Variants in PCLAF observed in about 807,000 individuals in gnomAD.
PCLAF encodes PCNA clamp associated factor.
In PCLAF, 12 loss-of-function variants were observed where a neutral mutation model predicts 15.1. That is an observed-to-expected ratio of 0.79 (90% CI 0.51 to 1.29). The LOEUF (loss-of-function observed/expected upper bound fraction) is 1.29, where lower values mean the gene tolerates loss of function less well. Among genes scored for constraint, PCLAF ranks in the 50% most tolerant of loss-of-function variants. PCLAF has a pLI of 0.00. For missense variants in PCLAF, 116 were observed against 130.9 expected (o/e 0.89, Z 0.56); for synonymous variants, 33 against 47.1 (o/e 0.70, Z 1.22).
chr15:64,372,119 T>G (rs1348626302), intron 3 of PCLAF, among the ~76,000 whole-genome samples: 1 of 152,198 alleles, frequency 6.6e-6, no homozygotes. Context: ...TATTTTAAAA[T>G]TACTTGAAGT....
upstream of PCLAF, among the ~76,000 whole-genome samples, chr15:64,385,062 GT>G (rs952700179): frequency 6.6e-6 from 1 of 151,452 alleles, no homozygotes; most frequent in African/African-American, 2.4e-5. Context: ...TAATTTTTAG[GT>G]TTTTTTTGTA....
upstream of PCLAF, among the ~76,000 whole-genome samples, chr15:64,384,173 C>T (rs747811294): frequency 2.8e-4 from 42 of 152,070 alleles, no homozygotes; most frequent in Non-Finnish European, 5.1e-4. Context: ...CTCACTCTGT[C>T]ATCCAGGCTG....
intron 2 of PCLAF, among the ~76,000 whole-genome samples, chr15:64,378,592 T>C (rs1899710759): frequency 6.6e-6 from 1 of 152,144 alleles, no homozygotes; most frequent in Non-Finnish European, 1.5e-5. Flanking sequence ...CAAAGGAACC[T>C]TACAGGAATG....
rs1444684610 is a variant in PCLAF, at chr15:64,365,837, G to T, written c.*193C>A. On this transcript the variant is annotated 3_prime_UTR_variant, in exon 4 of 4. Transcript: ENST00000300035. ...AACAATGCATTATATTGAATACTAA[G>T]CTAAGTTACCATAATTAGTCTTACA... The T allele has an allele frequency of 3.4e-6, 2 of 590,042 alleles. No homozygotes were observed. Among genetic ancestry groups the T allele is most frequent in the African/African-American group, 3.8e-5 (2 of 53,146 alleles). 36.6% of individuals were successfully genotyped at this position (590,042 alleles called of 1,614,324 possible).
intron 2 of PCLAF, among the ~76,000 whole-genome samples, chr15:64,379,814 T>A (rs1296968067): frequency 2.6e-5 from 4 of 152,168 alleles, no homozygotes; most frequent in Admixed American, 2.0e-4. Flanking sequence ...TGAAGCTATT[T>A]CCTTTGCCGG....
At chr15:64,385,590 A>C (rs996467128), upstream of PCLAF, among the ~76,000 whole-genome samples, 4 of 151,756 alleles carry the variant, frequency 2.6e-5, no homozygotes, top group African/African-American at 9.7e-5. Context: ...GCACTATTGC[A>C]CTCCAGCCTG....
rs779642598 is a variant in PCLAF at position 64,376,829 on chromosome 15, G to T, written c.204C>A (p.Phe68Leu). ...TPKWQKGIGE[F>L]FRLSPKDSEK... is the part of the protein sequence containing the mutation. Reference sequence around the variant, plus strand: ...CAGAATCTTTAGGGGACAACCTAAAGAATTCTCCAATTCCTTTTTGCCACT... The same window carrying T: ...CAGAATCTTTAGGGGACAACCTAAATAATTCTCCAATTCCTTTTTGCCACT... Residue 68 changes from phenylalanine to leucine, a missense_variant, in exon 3 of 4, where the codon TTC (phenylalanine) becomes TTA (leucine). Coordinates refer to ENST00000300035, the MANE Select transcript of PCLAF (RefSeq NM_014736.6). 4 of 1,613,962 alleles carry T rather than the reference G, an allele frequency of 2.5e-6. No individual in the cohort carries two copies. The highest frequency in any genetic ancestry group is 3.4e-6 in the Non-Finnish European group (4 of 1,179,896).
chr15:64,368,308 T>A (rs1899135024), intron 3 of PCLAF, among the ~76,000 whole-genome samples: 1 of 151,880 alleles, frequency 6.6e-6, no homozygotes, highest in Admixed American at 6.6e-5. Flanking sequence ...GAGCAAAAAC[T>A]CTGTCTCAGT....
Position 64,381,101 on chromosome 15 carries a change from G to A in PCLAF, c.47-63C>T, listed in dbSNP as rs990543567. The A allele has an allele frequency of 3.3e-6, 5 of 1,499,660 alleles. No individual in the cohort carries two copies. In the African/African-American group the frequency reaches 6.9e-5, roughly 21 times the overall value. 92.9% of individuals were successfully genotyped at this position (1,499,660 alleles called of 1,614,324 possible). On this transcript the variant is annotated intron_variant, in intron 1 of 3. Transcript: ENST00000300035. ...AGGAGGGTTCCGACACCGAGTCCTGGACCCCAGCAGCTTGGAGAGGAGAGC... is the reference window on the plus strand; with the variant it reads ...AGGAGGGTTCCGACACCGAGTCCTGAACCCCAGCAGCTTGGAGAGGAGAGC...
chr15:64,368,511 T>G (rs1899144317), intron 3 of PCLAF, among the ~76,000 whole-genome samples: 1 of 152,194 alleles, frequency 6.6e-6, no homozygotes, highest in African/African-American at 2.4e-5. Context: ...TAGTCTTCCT[T>G]GATTCTGACT....
intron 3 of PCLAF, among the ~76,000 whole-genome samples, chr15:64,374,931 A>T (rs1899546317): frequency 6.6e-6 from 1 of 151,916 alleles, no homozygotes; most frequent in South Asian, 2.1e-4. Flanking sequence ...TGAAACTCGG[A>T]AACTTTTTTT....
At chr15:64,385,673 T>C (rs956807944), upstream of PCLAF, among the ~76,000 whole-genome samples, 36 of 150,822 alleles carry the variant, frequency 2.4e-4, no homozygotes, top group African/African-American at 8.2e-4. Flanking sequence ...AATACCTAGA[T>C]AACTTGTAAA....
chr15:64,370,325 A>G (rs1899232101), intron 3 of PCLAF, among the ~76,000 whole-genome samples: 1 of 147,074 alleles, frequency 6.8e-6, no homozygotes, highest in Admixed American at 6.8e-5. Context: ...CTCCCCCTTC[A>G]GTCTCCCAAA....
intron 2 of PCLAF, among the ~76,000 whole-genome samples, chr15:64,380,429 A>C (rs1440943428): frequency 6.6e-6 from 1 of 151,964 alleles, no homozygotes; most frequent in Non-Finnish European, 1.5e-5. Flanking sequence ...CCAAAAAACA[A>C]AAATTGATAG....
intron 3 of PCLAF, chr15:64,373,519 G>A (rs1899442737): frequency 9.3e-6 from 10 of 1,078,806 alleles, no homozygotes; most frequent in Non-Finnish European, 9.8e-6. Context: ...GATGTAGAAG[G>A]GCAAGCAAGA....
intron 3 of PCLAF, among the ~76,000 whole-genome samples, chr15:64,370,966 C>CTTTT (rs11299642): frequency 1.3e-5 from 1 of 77,326 alleles, no homozygotes; most frequent in African/African-American, 4.9e-5. Flanking sequence ...ATTTCATGTT[C>CTTTT]TTTTTTTTTT....
chr15:64,379,290 A>C (rs926836049), intron 2 of PCLAF, among the ~76,000 whole-genome samples: 4 of 152,048 alleles, frequency 2.6e-5, no homozygotes, highest in African/African-American at 4.8e-5. Flanking sequence ...CAGCCTGGGC[A>C]ATGTGATGAA....
At chr15:64,378,075 C>T (rs533551505) in intron 2 of PCLAF, among the ~76,000 whole-genome samples, 1 of 152,062 alleles carries the variant, frequency 6.6e-6, no homozygotes, top group East Asian at 1.9e-4. Context: ...GGACTACAGG[C>T]GCCCGCCACC....
At chr15:64,382,777 C>T (rs753344560), upstream of PCLAF, 1 of 211,828 alleles carries the variant, frequency 4.7e-6, no homozygotes, top group South Asian at 5.1e-5. Flanking sequence ...GAGTTCGAGA[C>T]CAGCGTGGGC....
Sources: allele counts gnomAD v4.1 joint callset (sites outside exome capture counted in the v4.1 genomes callset), GRCh38; gene constraint gnomAD v4.1.1; transcripts MANE v1.5; gene names NCBI Gene and HGNC (gene_info 2026-07-23, HGNC 2026-07-21).